The following DYNC2I1 variants were observed in gnomAD, a reference collection of about 807,000 sequenced individuals.
DYNC2I1 encodes the protein cytoplasmic dynein 2 intermediate chain 1.
A neutral mutation model predicts 133.4 loss-of-function variants in DYNC2I1; 89 were observed. The observed-to-expected ratio is 0.67, with a 90% CI of 0.56 to 0.80. The LOEUF (loss-of-function observed/expected upper bound fraction) is 0.80. Among genes scored for constraint, DYNC2I1 ranks in the 30% least tolerant of loss-of-function variants. The pLI, the probability that DYNC2I1 is intolerant of heterozygous loss-of-function variation, is 0.00. For missense variants in DYNC2I1, 1,291 were observed against 1,314.5 expected (o/e 0.98, Z 0.28); for synonymous variants, 504 against 484.3 (o/e 1.04, Z -0.54).
chr7:158,933,673 C>T lies in DYNC2I1; in HGVS notation c.2547-456C>T, dbSNP rs185124590. On this transcript the variant is annotated intron_variant, in intron 21 of 24. Transcript: ENST00000407559. ...TCATAGTTAAAGTAGACGCAAAACC[C>T]CCTGGTGGGTAAAGATATGTTTGCA... 1.9e-4 allele frequency among the ~76,000 whole-genome samples: 29 copies of T among 152,280 alleles called. No homozygotes were observed. The Middle Eastern group carries it at 0.01, about 54-fold the overall frequency.
intron 5 of DYNC2I1, among the ~76,000 whole-genome samples, chr7:158,883,438 C>G (rs1015623394): frequency 4.7e-5 from 7 of 149,230 alleles, no homozygotes; most frequent in African/African-American, 1.7e-4. Context: ...AGGCTGGCCT[C>G]GAGCTCCTGA....
intron 6 of DYNC2I1, 24 bp from the exon 7 acceptor site, chr7:158,886,997 A>T (rs1844670685): frequency 6.2e-7 from 1 of 1,610,582 alleles, no homozygotes; most frequent in Non-Finnish European, 8.5e-7. Flanking sequence ...GTAAGTTTTG[A>T]TTTTGATTAT....
intron 20 of DYNC2I1, among the ~76,000 whole-genome samples, chr7:158,928,614 C>T (rs1289821536): frequency 6.6e-6 from 1 of 152,206 alleles, no homozygotes; most frequent in African/African-American, 2.4e-5. Flanking sequence ...CTTTATGCGG[C>T]ACCCTCTCTG....
intron 3 of DYNC2I1, 72 bp downstream of exon 3, chr7:158,871,634 C>T (rs1440341923): frequency 7.7e-6 from 11 of 1,420,700 alleles, no homozygotes; most frequent in Admixed American, 2.7e-5. Flanking sequence ...GTTGATAGCT[C>T]GCTGCCTCCC....
At chr7:158,869,968 C>A in intron 2 of DYNC2I1, 60 bp downstream of exon 2, 2 of 1,429,782 alleles carry the variant, frequency 1.4e-6, no homozygotes, top group Non-Finnish European at 9.8e-7. Context: ...TTTCTTGGAC[C>A]TGCTTTACCT....
intron 5 of DYNC2I1, 68 bp downstream of exon 5, chr7:158,880,057 C>G (rs191819612): frequency 6.6e-7 from 1 of 1,512,110 alleles, no homozygotes; most frequent in Non-Finnish European, 8.8e-7. Flanking sequence ...GGAGGCTTAC[C>G]GGGCGGTGTC....
the DYNC2I1 span, among the ~76,000 whole-genome samples, chr7:158,841,256 G>C: frequency 6.4e-5 from 9 of 141,604 alleles, no homozygotes; most frequent in Admixed American, 5.9e-4. Context: ...ACCCAGGCTG[G>C]AGTGCAGTGG....
intron 10 of DYNC2I1, 36 bp downstream of exon 10, chr7:158,902,631 C>A: frequency 6.3e-7 from 1 of 1,592,870 alleles, no homozygotes; most frequent in South Asian, 1.1e-5. Flanking sequence ...TGTCCGTGCT[C>A]TTAGGGCTCT....
Position 158,905,969 on chromosome 7 carries a change from T to C in DYNC2I1, c.1358-20T>C, listed in dbSNP as rs746092723. On this transcript the variant is annotated intron_variant, in intron 10 of 24. Coordinates refer to ENST00000407559, the MANE Select transcript of DYNC2I1 (RefSeq NM_018051.5). The stretch of plus-strand genomic sequence containing the variant: ...ACATATTTCCGTGTTGGAAAAATAG[T>C]GTTTTTCTCCCTCACACAGATACAA... The C allele has an allele frequency of 1.8e-5, 28 of 1,589,846 alleles. No homozygotes were observed. Among genetic ancestry groups the C allele is most frequent in the Middle Eastern group, 1.7e-4 (1 of 6,014 alleles).
intron 2 of DYNC2I1, among the ~76,000 whole-genome samples, chr7:158,870,905 T>C (rs192320040): frequency 2.0e-5 from 3 of 152,170 alleles, no homozygotes; most frequent in Non-Finnish European, 2.9e-5. Context: ...GTCCATGATA[T>C]TGGGGCGCTG....
the DYNC2I1 span, among the ~76,000 whole-genome samples, chr7:158,848,418 G>A: frequency 6.6e-6 from 1 of 152,166 alleles, no homozygotes; most frequent in Non-Finnish European, 1.5e-5. Flanking sequence ...TGTTTGAGAA[G>A]TCTCATCAAA....
At chr7:158,876,423 T>C (rs1461472372) in intron 3 of DYNC2I1, among the ~76,000 whole-genome samples, 186 bp from the exon 4 acceptor site, 2 of 152,222 alleles carry the variant, frequency 1.3e-5, no homozygotes, top group African/African-American at 4.8e-5. Flanking sequence ...CATCTCCTTC[T>C]TCATTTTAAA....
At chr7:158,952,967 C>T (rs546045632) in intron 4 of DYNC2I1, among the ~76,000 whole-genome samples, 13 of 152,320 alleles carry the variant, frequency 8.5e-5, no homozygotes, top group African/African-American at 3.1e-4. Context: ...GGGCTCCTGC[C>T]CAACCTCTGC....
chr7:158,901,782 A>G lies in DYNC2I1; in HGVS notation c.1103A>G (p.Asp368Gly), dbSNP rs767682472. 4 of 1,583,378 alleles carry G rather than the reference A, an allele frequency of 2.5e-6. No individual in the cohort carries two copies. In the African/African-American group the frequency reaches 4.0e-5, roughly 16 times the overall value. Reference sequence around the variant, plus strand: ...ACTGATTTAGAAAATGCTAGAGCTGATGCATATACAGCCAGTTGTGAAGAT... The same window carrying G: ...ACTGATTTAGAAAATGCTAGAGCTGGTGCATATACAGCCAGTTGTGAAGAT... The part of the protein sequence containing the change: ...EETDLENARA[D>G]AYTASCEDDF... Residue 368 changes from aspartate to glycine, a missense_variant, in exon 9 of 25, where the codon GAT (aspartate) becomes GGT (glycine). Coordinates refer to ENST00000407559, the MANE Select transcript of DYNC2I1 (RefSeq NM_018051.5).
At chr7:158,865,114 GT>G (rs1420046613) in intron 1 of DYNC2I1, among the ~76,000 whole-genome samples, 1 of 152,224 alleles carries the variant, frequency 6.6e-6, no homozygotes, top group African/African-American at 2.4e-5. Context: ...CAGGGGTGGG[GT>G]TTGCTTTCCA....
At chr7:158,905,692 C>T (rs968420730) in intron 10 of DYNC2I1, among the ~76,000 whole-genome samples, 9 of 152,080 alleles carry the variant, frequency 5.9e-5, no homozygotes, top group East Asian at 1.9e-4. Flanking sequence ...GCAGAATGGG[C>T]GGGATGGGGG....
intron 1 of DYNC2I1, among the ~76,000 whole-genome samples, chr7:158,861,509 C>T (rs1035796636): frequency 6.6e-6 from 1 of 152,188 alleles, no homozygotes; most frequent in African/African-American, 2.4e-5. Context: ...CTGGCATCCC[C>T]CTCCCCACAC....
At chr7:158,848,598 G>T in the DYNC2I1 span, among the ~76,000 whole-genome samples, 1 of 152,192 alleles carries the variant, frequency 6.6e-6, no homozygotes, top group African/African-American at 2.4e-5. Flanking sequence ...AACTGATGGG[G>T]TTAAACAAAG....
At chr7:158,934,883 T>C (rs1850593411) in intron 23 of DYNC2I1, among the ~76,000 whole-genome samples, 1 of 152,228 alleles carries the variant, frequency 6.6e-6, no homozygotes, top group South Asian at 2.1e-4. Context: ...ATTTTAAAAG[T>C]TAATCATTTA....
Sources: gnomAD v4.1 joint callset for allele counts (sites outside exome capture counted in the v4.1 genomes callset) on GRCh38, gnomAD v4.1.1 for gene constraint, MANE v1.5 for transcripts, NCBI Gene and HGNC (gene_info 2026-07-23, HGNC 2026-07-21) for gene names.